Variants in MAP2 observed in about 807,000 individuals in gnomAD.
MAP2 encodes the protein microtubule-associated protein 2.
In MAP2, 14 loss-of-function variants were observed where a neutral mutation model predicts 137.6. That is an observed-to-expected ratio of 0.10 (90% CI 0.07 to 0.16). The LOEUF (loss-of-function observed/expected upper bound fraction) is 0.16. Among genes scored for constraint, MAP2 ranks in the 10% least tolerant of loss-of-function variants. The probability of loss-of-function intolerance (pLI) is 1.00; values close to 1 mark genes in which losing one functional copy is unlikely to be tolerated. For missense variants in MAP2, 2,088 were observed against 2,191.5 expected (o/e 0.95, Z 0.94); for synonymous variants, 786 against 782.3 (o/e 1.00, Z -0.08).
At chr2:209,614,570 T>C (rs1293036288) in intron 3 of MAP2, among the ~76,000 whole-genome samples, 1 of 152,184 alleles carries the variant, frequency 6.6e-6, no homozygotes, top group Non-Finnish European at 1.5e-5. Context: ...TAGATCGAGA[T>C]ATATTTCAAG....
chr2:209,635,560 ATTACTAT>A (rs921727468), intron 4 of MAP2, among the ~76,000 whole-genome samples: 61 of 152,278 alleles, frequency 4.0e-4, no homozygotes, highest in African/African-American at 1.2e-3. Context: ...GTTTATAAAC[ATTACTAT>A]TTACGTGGAG....
At chr2:209,505,142 G>A (rs1300619648) in intron 1 of MAP2, among the ~76,000 whole-genome samples, 2 of 151,902 alleles carry the variant, frequency 1.3e-5, no homozygotes, top group Non-Finnish European at 2.9e-5. Flanking sequence ...ACAAGAAACT[G>A]TGCTTAACGG....
At chr2:209,718,487 C>T (rs376287345) in intron 13 of MAP2, among the ~76,000 whole-genome samples, 2 of 151,910 alleles carry the variant, frequency 1.3e-5, no homozygotes, top group Admixed American at 6.6e-5. Context: ...CATAATGTTT[C>T]TTCCAGCGCC....
chr2:209,607,288 G>A (rs1480979188), intron 3 of MAP2, among the ~76,000 whole-genome samples: 1 of 152,136 alleles, frequency 6.6e-6, no homozygotes, highest in Non-Finnish European at 1.5e-5. Flanking sequence ...AGAAACAACT[G>A]GTTCACTGAC....
At chr2:209,684,866 T>C (rs893816666) in intron 7 of MAP2, among the ~76,000 whole-genome samples, 5 of 152,296 alleles carry the variant, frequency 3.3e-5, no homozygotes, top group African/African-American at 9.6e-5. Context: ...CTAACTGTTG[T>C]GAAATAAATT....
intron 2 of MAP2, among the ~76,000 whole-genome samples, chr2:209,555,433 G>C (rs954677267): frequency 3.9e-5 from 6 of 152,150 alleles, no homozygotes; most frequent in Admixed American, 1.3e-4. Context: ...ACAATTTTGT[G>C]TTATGGAGAA....
chr2:209,690,665 G>C, intron 7 of MAP2: 1 of 1,289,780 alleles, frequency 7.8e-7, no homozygotes, highest in Non-Finnish European at 1.0e-6. Context: ...TCCTGAGAAA[G>C]AGTGTGGGGC....
At chr2:209,595,968 A>AG (rs2081180566) in intron 3 of MAP2, among the ~76,000 whole-genome samples, 2 of 152,094 alleles carry the variant, frequency 1.3e-5, no homozygotes, top group Admixed American at 1.3e-4. Flanking sequence ...GGTAGGAGGC[A>AG]GGGGGAGGGA....
At chr2:209,720,781 TA>T (rs1193889576) in intron 13 of MAP2, among the ~76,000 whole-genome samples, 4 of 152,248 alleles carry the variant, frequency 2.6e-5, no homozygotes, top group Middle Eastern at 3.4e-3. Context: ...AAATAGTAGT[TA>T]TTTTTTTTCT....
intron 7 of MAP2, chr2:209,690,946 C>T: frequency 2.7e-6 from 3 of 1,106,278 alleles, no homozygotes; most frequent in South Asian, 3.2e-5. Context: ...GCTATTTCAT[C>T]GCTGGGTCTT....
chr2:209,675,435 C>T (rs977970920), intron 5 of MAP2, among the ~76,000 whole-genome samples: 4 of 151,952 alleles, frequency 2.6e-5, no homozygotes, highest in East Asian at 1.9e-4. Context: ...TTATCACTCA[C>T]GATTAGTACT....
chr2:209,683,240 G>A (rs1583324084), intron 7 of MAP2, among the ~76,000 whole-genome samples: 1 of 152,150 alleles, frequency 6.6e-6, no homozygotes, highest in Non-Finnish European at 1.5e-5. Flanking sequence ...CTTTCTTCAA[G>A]CTGTTTCAAG....
intron 2 of MAP2, among the ~76,000 whole-genome samples, chr2:209,550,034 T>C (rs1460636101): frequency 6.6e-6 from 1 of 152,230 alleles, no homozygotes; most frequent in Non-Finnish European, 1.5e-5. Flanking sequence ...TTCAGAATTT[T>C]TAAAGGCATT....
chr2:209,548,002 T>A (rs536689872), intron 2 of MAP2, among the ~76,000 whole-genome samples: 1 of 152,348 alleles, frequency 6.6e-6, no homozygotes, highest in East Asian at 1.9e-4. Flanking sequence ...TCCCATTTTT[T>A]AACTCAAACA....
At chr2:209,728,968 A>G (rs866719638) in intron 14 of MAP2, among the ~76,000 whole-genome samples, 1 of 152,228 alleles carries the variant, frequency 6.6e-6, no homozygotes, top group Admixed American at 6.5e-5. Flanking sequence ...ATCTAGATCA[A>G]ATACATCAGC....
At chr2:209,488,389 GT>G (rs1253009307) in intron 1 of MAP2, among the ~76,000 whole-genome samples, 11 of 150,434 alleles carry the variant, frequency 7.3e-5, no homozygotes, top group East Asian at 2.0e-4. Context: ...AGCTGCAGGA[GT>G]TTTTTTTTTC....
Position 209,425,735 on chromosome 2 carries a change from G to A in MAP2, c.-222+1459G>A, listed in dbSNP as rs562067830. On this transcript the variant is annotated intron_variant, in intron 1 of 15. Coordinates refer to ENST00000682079, the MANE Select transcript of MAP2 (RefSeq NM_001375505.1). ...CTGCAGGTACCAGCCCAGTTCAAAA[G>A]CATAGTTCTTTCACTATGTCATTTC... Among the ~76,000 whole-genome samples the A allele has an allele frequency of 4.6e-5, 7 of 152,282 alleles. No individual in the cohort carries two copies. In the South Asian group the frequency reaches 1.5e-3, roughly 32 times the overall value.
intron 11 of MAP2, among the ~76,000 whole-genome samples, chr2:209,701,152 A>G (rs999547940): frequency 6.6e-6 from 1 of 151,998 alleles, no homozygotes; most frequent in Non-Finnish European, 1.5e-5. Flanking sequence ...ATATTGTCAA[A>G]TTGCCCTCTG....
intron 2 of MAP2, among the ~76,000 whole-genome samples, chr2:209,553,260 C>A (rs1010338526): frequency 6.6e-6 from 1 of 152,108 alleles, no homozygotes; most frequent in Admixed American, 6.5e-5. Context: ...GTCCACCAGC[C>A]TCGGCCTCCC....
Sources: gnomAD v4.1 joint callset for allele counts (sites outside exome capture counted in the v4.1 genomes callset) on GRCh38, gnomAD v4.1.1 for gene constraint, MANE v1.5 for transcripts, NCBI Gene and HGNC (gene_info 2026-07-23, HGNC 2026-07-21) for gene names.